The following PSMA5 variants were observed in gnomAD, a reference collection of about 807,000 sequenced individuals.
PSMA5 encodes proteasome subunit alpha type-5.
Under a neutral mutation model 34.5 loss-of-function variants are expected in PSMA5, and 3 were observed. The observed-to-expected ratio is 0.09, with a 90% confidence interval of 0.04 to 0.22. PSMA5 has a LOEUF of 0.22. Ranked by LOEUF, PSMA5 falls within the 10% of genes least tolerant of loss-of-function variation. The pLI is 1.00. For missense variants in PSMA5, 120 were observed against 286.1 expected (o/e 0.42, Z 4.19); for synonymous variants, 88 against 95.8 (o/e 0.92, Z 0.47).
intron 8 of PSMA5, among the ~76,000 whole-genome samples, chr1:109,405,913 G>A (rs1653738266): frequency 6.6e-6 from 1 of 152,138 alleles, no homozygotes; most frequent in Non-Finnish European, 1.5e-5. Context: ...AGGCGGCACT[G>A]GAAGTAGGGA....
chr1:109,410,635 C>T (rs1221779193), intron 7 of PSMA5, among the ~76,000 whole-genome samples: 1 of 152,188 alleles, frequency 6.6e-6, no homozygotes, highest in Admixed American at 6.5e-5. Context: ...AGAGGATAAA[C>T]ATATTGTGGT....
chr1:109,410,968 C>G lies in PSMA5; in HGVS notation c.561+43G>C, dbSNP rs781472287. 4.3e-6 allele frequency: 6 copies of G among 1,397,822 alleles called. No homozygotes were observed. The African/African-American group carries it at 8.6e-5, about 20-fold the overall frequency. The allele number at this position is 1,397,822 out of a possible 1,614,324, so 86.6% of individuals were successfully genotyped here. A position where few individuals can be genotyped will look rare whatever the true frequency, so the allele number is the denominator to read the frequency against. ...CACATTTTATTATATGTAAATTATA[C>G]CATGATAAAAAAATAGTAAGAGTTG... is the stretch of plus-strand genomic sequence containing the variant. On this transcript the variant is annotated intron_variant, in intron 7 of 8. Coordinates refer to ENST00000271308, the MANE Select transcript of PSMA5 (RefSeq NM_002790.4).
rs1654671952 is a variant in PSMA5 at position 109,426,436 on chromosome 1, C to G, written c.-106G>C. ...CCAACTCACCCACACGGCCGCAGTA[C>G]TAAGGACCAACTGCGCGTGCGACCG... On this transcript the variant is annotated 5_prime_UTR_variant, in exon 1 of 9. Coordinates refer to ENST00000271308, the MANE Select transcript of PSMA5 (RefSeq NM_002790.4). 2.8e-6 allele frequency: 4 copies of G among 1,429,806 alleles called. No homozygotes were observed. Among genetic ancestry groups the G allele is most frequent in the Non-Finnish European group, 3.9e-6 (4 of 1,013,046 alleles). 88.6% of individuals were successfully genotyped at this position (1,429,806 alleles called of 1,614,324 possible).
intron 3 of PSMA5, among the ~76,000 whole-genome samples, chr1:109,413,475 T>A (rs886163225): frequency 1.3e-5 from 2 of 152,206 alleles, no homozygotes; most frequent in Admixed American, 6.5e-5. Flanking sequence ...AAGCAAATAC[T>A]AATGCCCCAA....
At chr1:109,425,160 C>T (rs1571035946) in intron 1 of PSMA5, among the ~76,000 whole-genome samples, 1 of 152,208 alleles carries the variant, frequency 6.6e-6, no homozygotes, top group Non-Finnish European at 1.5e-5. Flanking sequence ...TTGTTCACAG[C>T]AAGCACTCAA....
At chr1:109,405,233 T>A (rs1653701888) in intron 8 of PSMA5, among the ~76,000 whole-genome samples, 1 of 152,186 alleles carries the variant, frequency 6.6e-6, no homozygotes, top group African/African-American at 2.4e-5. Flanking sequence ...CTGTTGGCCC[T>A]ACCGTCTCAA....
At chr1:109,423,364 A>G (rs3768491) in intron 1 of PSMA5, among the ~76,000 whole-genome samples, 98,363 of 152,066 alleles carry the variant, frequency 0.65, 33,678 homozygotes, top group East Asian at 0.96. Flanking sequence ...ACTTGAACCC[A>G]GGAGGCGGAG....
Position 109,424,919 on chromosome 1 carries a change from G to A in PSMA5, c.29+1383C>T, listed in dbSNP as rs563538748. Among the ~76,000 whole-genome samples the A allele has an allele frequency of 2.6e-5, 4 of 152,206 alleles. No individual in the cohort carries two copies. In the East Asian group the frequency reaches 7.7e-4, roughly 29 times the overall value. ...GGAGAATCGCTTGAACCCAGGAGGC[G>A]GAGGTTGCAGTGAGCCGAGATCATG... On this transcript the variant is annotated intron_variant, in intron 1 of 8. Coordinates refer to ENST00000271308, the MANE Select transcript of PSMA5 (RefSeq NM_002790.4).
chr1:109,426,063 A>G (rs2100979266), intron 1 of PSMA5: 1 of 585,552 alleles, frequency 1.7e-6, no homozygotes, highest in African/African-American at 1.9e-5. Flanking sequence ...CACCAGCCGG[A>G]GCTTCTCGCT....
intron 1 of PSMA5, among the ~76,000 whole-genome samples, chr1:109,424,149 G>C (rs1654552962): frequency 6.6e-6 from 1 of 152,084 alleles, no homozygotes; most frequent in South Asian, 2.1e-4. Flanking sequence ...AAGAAACCTA[G>C]TTTAAATGTC....
In PSMA5 at chr1:109,417,143, G is replaced by C. The variant is rs544024475; in HGVS notation, c.97-1780C>G. Among the ~76,000 whole-genome samples, 6 of 152,248 alleles carry C rather than the reference G, an allele frequency of 3.9e-5. No individual in the cohort carries two copies. The East Asian group carries it at 9.6e-4, about 24-fold the overall frequency. On this transcript the variant is annotated intron_variant, in intron 2 of 8. Transcript: ENST00000271308. ...ATAAAAATGAATGCTCATATTTCTA[G>C]TTAAAGGTGCAGACTAAAGACATAA... is the stretch of plus-strand genomic sequence containing the variant.
chr1:109,424,981 G>A (rs947530370), intron 1 of PSMA5, among the ~76,000 whole-genome samples: 12 of 140,108 alleles, frequency 8.6e-5, no homozygotes, highest in Admixed American at 2.7e-4. Context: ...GCGAGACTCC[G>A]TCTCAAAAAC....
intron 2 of PSMA5, among the ~76,000 whole-genome samples, chr1:109,421,180 C>T (rs1233625498): frequency 6.6e-6 from 1 of 152,108 alleles, no homozygotes; most frequent in African/African-American, 2.4e-5. Context: ...GAGTGAGACC[C>T]TGTCTCTAAA....
intron 2 of PSMA5, among the ~76,000 whole-genome samples, chr1:109,420,648 G>A (rs747305953): frequency 6.6e-6 from 1 of 152,154 alleles, no homozygotes; most frequent in Non-Finnish European, 1.5e-5. Context: ...ATTGTTTTAT[G>A]TATAGTATAC....
chr1:109,412,258 T>A (rs978588704), intron 4 of PSMA5, 74 bp from the exon 5 acceptor site: 1 of 1,247,830 alleles, frequency 8.0e-7, no homozygotes, highest in African/African-American at 1.5e-5. Flanking sequence ...ACTACGCACA[T>A]CCCTTTAAAC....
chr1:109,421,431 C>T (rs1481343326), intron 2 of PSMA5, among the ~76,000 whole-genome samples: 1 of 150,044 alleles, frequency 6.7e-6, no homozygotes, highest in East Asian at 1.9e-4. Flanking sequence ...CCACTGAACT[C>T]CAGCCTGGGC....
intron 1 of PSMA5, 32 bp downstream of exon 1, chr1:109,426,270 A>G: frequency 6.2e-7 from 1 of 1,613,368 alleles, no homozygotes; most frequent in Non-Finnish European, 8.5e-7. Context: ...CCCACCCATA[A>G]TTCCCACCCG....
At chr1:109,405,883 A>G (rs532616583) in intron 8 of PSMA5, among the ~76,000 whole-genome samples, 9 of 152,334 alleles carry the variant, frequency 5.9e-5, no homozygotes, top group African/African-American at 1.7e-4. Flanking sequence ...AGGTAGGGGA[A>G]AAATGGGAAC....
In PSMA5 at chr1:109,416,394, C is replaced by T. The variant is rs575590807; in HGVS notation, c.97-1031G>A. 3.9e-5 allele frequency among the ~76,000 whole-genome samples: 6 copies of T among 152,320 alleles called. No individual in the cohort carries two copies. In the East Asian group the frequency reaches 1.2e-3, roughly 29 times the overall value. ...CAAAATCCCTCAGGTATAGCCCAGC[C>T]CACTGGCTCAAGCCACGTTATCTCC... On this transcript the variant is annotated intron_variant, in intron 2 of 8. Coordinates refer to ENST00000271308, the MANE Select transcript of PSMA5 (RefSeq NM_002790.4).
Sources: gnomAD v4.1 joint callset for allele counts (sites outside exome capture counted in the v4.1 genomes callset) on GRCh38, gnomAD v4.1.1 for gene constraint, MANE v1.5 for transcripts, NCBI Gene and HGNC (gene_info 2026-07-23, HGNC 2026-07-21) for gene names.